Variants in JAM2 observed in about 807,000 individuals in gnomAD.
JAM2 encodes the protein junctional adhesion molecule 2.
In JAM2, 17 loss-of-function variants were observed where a neutral mutation model predicts 42.0. That is an observed-to-expected ratio of 0.40 (90% CI 0.28 to 0.61). JAM2 has a LOEUF of 0.61. Ranked by LOEUF, JAM2 falls within the 20% of genes least tolerant of loss-of-function variation. JAM2 has a pLI of 0.37. For missense variants in JAM2, 319 were observed against 358.3 expected (o/e 0.89, Z 0.89); for synonymous variants, 118 against 128.6 (o/e 0.92, Z 0.56).
At chr21:25,673,565 C>T (rs1365843443) in intron 1 of JAM2, among the ~76,000 whole-genome samples, 1 of 152,164 alleles carries the variant, frequency 6.6e-6, no homozygotes, top group Admixed American at 6.5e-5. Flanking sequence ...TGAATAATAT[C>T]TTTACAACCC....
At chr21:25,641,674 C>T (rs760586386) in intron 1 of JAM2, among the ~76,000 whole-genome samples, 7 of 152,076 alleles carry the variant, frequency 4.6e-5, no homozygotes, top group Non-Finnish European at 1.0e-4. Context: ...AGAGAGTTCT[C>T]ATATACTCCA....
intron 1 of JAM2, among the ~76,000 whole-genome samples, chr21:25,683,157 C>CA (rs2033675450): frequency 6.3e-3 from 1 of 158 alleles, no homozygotes; most frequent in African/African-American, 0.031. Context: ...CTACCCAGTA[C>CA]TTCCTGTCTC....
At chr21:25,696,011 C>T (rs9975787) in intron 4 of JAM2, among the ~76,000 whole-genome samples, 21,717 of 152,126 alleles carry the variant, frequency 0.14, 1,795 homozygotes, top group South Asian at 0.26. Flanking sequence ...GCTGCAATCT[C>T]GGCACTTTGG....
chr21:25,645,479 A>AT (rs2032581575), intron 1 of JAM2, among the ~76,000 whole-genome samples: 1 of 152,086 alleles, frequency 6.6e-6, no homozygotes, highest in South Asian at 2.1e-4. Context: ...TGGATGGAGT[A>AT]TGGTGAATGG....
chr21:25,702,126 T>C (rs780700278), intron 5 of JAM2, 44 bp from the exon 6 acceptor site: 6 of 1,067,016 alleles, frequency 5.6e-6, no homozygotes, highest in South Asian at 1.7e-5. Flanking sequence ...AGTCTACTTA[T>C]AGATCTATGG....
intron 9 of JAM2, chr21:25,714,245 G>C: frequency 1.5e-6 from 2 of 1,297,730 alleles, no homozygotes; most frequent in Non-Finnish European, 2.0e-6. Flanking sequence ...AGTGGCTCAC[G>C]CCTGTAATCC....
intron 8 of JAM2, chr21:25,710,324 C>A (rs2123418759): frequency 6.6e-6 from 1 of 152,112 alleles, no homozygotes; most frequent in South Asian, 2.1e-4. Flanking sequence ...GGCCAAAAAC[C>A]CCACAAAACT....
intron 1 of JAM2, chr21:25,644,275 C>T (rs1010565143): frequency 2.0e-5 from 3 of 152,208 alleles, no homozygotes; most frequent in African/African-American, 4.8e-5. Context: ...TGACCAAAAA[C>T]AAAACAATAC....
At chr21:25,679,588 CAA>C (rs921259093) in intron 1 of JAM2, among the ~76,000 whole-genome samples, 1 of 152,188 alleles carries the variant, frequency 6.6e-6, no homozygotes, top group African/African-American at 2.4e-5. Context: ...CCCCCTACAA[CAA>C]AGAATGATTG....
chr21:25,671,208 G>A (rs1470451858), intron 1 of JAM2, among the ~76,000 whole-genome samples: 2 of 152,138 alleles, frequency 1.3e-5, no homozygotes, highest in African/African-American at 4.8e-5. Context: ...CTTTGTGGGT[G>A]GTAAAATCGA....
At chr21:25,690,484 T>C (rs1268083610) in intron 3 of JAM2, among the ~76,000 whole-genome samples, 1 of 152,112 alleles carries the variant, frequency 6.6e-6, no homozygotes, top group East Asian at 1.9e-4. Flanking sequence ...CACACCAGTA[T>C]GCTCAGCTAA....
At chr21:25,653,447 G>C (rs902188254) in intron 1 of JAM2, among the ~76,000 whole-genome samples, 2 of 152,118 alleles carry the variant, frequency 1.3e-5, no homozygotes, top group African/African-American at 4.8e-5. Context: ...CCAGAAACTG[G>C]GTAATTTATG....
intron 1 of JAM2, among the ~76,000 whole-genome samples, chr21:25,673,744 T>C (rs2033414944): frequency 6.6e-6 from 1 of 152,212 alleles, no homozygotes; most frequent in African/African-American, 2.4e-5. Context: ...TCTAAAACAC[T>C]GTGACCTCCA....
At chr21:25,666,747 A>C (rs2033234611) in intron 1 of JAM2, among the ~76,000 whole-genome samples, 1 of 151,860 alleles carries the variant, frequency 6.6e-6, no homozygotes, top group African/African-American at 2.4e-5. Context: ...TGTTGCCCAG[A>C]CTGGTCTCAA....
At chr21:25,653,547 A>C (rs1319107340) in intron 1 of JAM2, among the ~76,000 whole-genome samples, 6 of 152,222 alleles carry the variant, frequency 3.9e-5, no homozygotes, top group African/African-American at 1.4e-4. Context: ...AGGGGAAGCA[A>C]GGCACCTTCT....
At chr21:25,688,933 T>C (rs959008026) in intron 2 of JAM2, among the ~76,000 whole-genome samples, 4 of 152,058 alleles carry the variant, frequency 2.6e-5, no homozygotes, top group Non-Finnish European at 4.4e-5. Flanking sequence ...GAGAGCCTGG[T>C]TAAAAAAATA....
At chr21:25,657,689 T>C (rs1431273864) in intron 1 of JAM2, among the ~76,000 whole-genome samples, 1 of 152,184 alleles carries the variant, frequency 6.6e-6, no homozygotes, top group Admixed American at 6.5e-5. Flanking sequence ...ATTGTATGAG[T>C]CTTTTTTCCC....
intron 2 of JAM2, among the ~76,000 whole-genome samples, chr21:25,687,423 A>G (rs1179947502): frequency 6.6e-6 from 1 of 152,244 alleles, no homozygotes; most frequent in Admixed American, 6.5e-5. Context: ...CTACCATGTT[A>G]TAGCGCAATA....
Position 25,639,748 on chromosome 21 carries a change from G to A in JAM2, c.-74G>A, listed in dbSNP as rs966380927. On this transcript the variant is annotated 5_prime_UTR_variant, in exon 1 of 10. Coordinates refer to ENST00000480456, the MANE Select transcript of JAM2 (RefSeq NM_021219.4). ...TCCTTTCCCGCCCCAGAAGTTCAAG[G>A]GCCCCCGGCCTCCTGCGCTCCTGCC... The A allele has an allele frequency of 6.1e-6, 6 of 977,470 alleles. No individual in the cohort carries two copies. The Admixed American group carries it at 6.7e-5, about 11-fold the overall frequency. 60.5% of individuals were successfully genotyped at this position (977,470 alleles called of 1,614,324 possible). A position where few individuals can be genotyped will look rare whatever the true frequency, so the allele number is the denominator to read the frequency against.
Sources: allele counts gnomAD v4.1 joint callset (sites outside exome capture counted in the v4.1 genomes callset), GRCh38; gene constraint gnomAD v4.1.1; transcripts MANE v1.5; gene names NCBI Gene and HGNC (gene_info 2026-07-23, HGNC 2026-07-21).